GALNTL6: variants seen among roughly 807,000 people sequenced by gnomAD.
GALNTL6 encodes polypeptide N-acetylgalactosaminyltransferase like 6.
GALNTL6 carries 46 observed loss-of-function variants against 73.7 expected under a neutral mutation model. That is an observed-to-expected ratio of 0.62 (90% CI 0.49 to 0.80). GALNTL6 has a LOEUF of 0.80. Ranked by LOEUF, GALNTL6 falls within the 30% of genes least tolerant of loss-of-function variation. The pLI is 0.00. For missense variants in GALNTL6, 604 were observed against 755.0 expected (o/e 0.80, Z 2.34); for synonymous variants, 259 against 263.7 (o/e 0.98, Z 0.17).
chr4:172,906,158 G>T (rs1746880660), intron 8 of GALNTL6, among the ~76,000 whole-genome samples: 1 of 151,938 alleles, frequency 6.6e-6, no homozygotes, highest in Non-Finnish European at 1.5e-5. Flanking sequence ...AGTTTACATG[G>T]CCAAAAGGAA....
intron 2 of GALNTL6, among the ~76,000 whole-genome samples, chr4:172,123,716 G>T (rs1733216760): frequency 6.6e-6 from 1 of 151,874 alleles, no homozygotes; most frequent in East Asian, 1.9e-4. Flanking sequence ...GGCCAGGATG[G>T]TCTTGATCTC....
intron 5 of GALNTL6, among the ~76,000 whole-genome samples, chr4:172,793,295 T>C (rs150108906): frequency 6.6e-6 from 1 of 152,194 alleles, no homozygotes; most frequent in Admixed American, 6.5e-5. Context: ...AAATAGGGAT[T>C]TGATCTAGCA....
At chr4:171,947,361 G>A (rs1024049229) in intron 2 of GALNTL6, among the ~76,000 whole-genome samples, 1 of 152,096 alleles carries the variant, frequency 6.6e-6, no homozygotes, top group African/African-American at 2.4e-5. Context: ...AGGTTGTAAG[G>A]GAAGAAACAT....
At chr4:172,577,740 C>T (rs1737012462) in intron 5 of GALNTL6, among the ~76,000 whole-genome samples, 1 of 152,078 alleles carries the variant, frequency 6.6e-6, no homozygotes, top group Non-Finnish European at 1.5e-5. Context: ...TTCACAAGAC[C>T]CCATGAGAAG....
intron 2 of GALNTL6, among the ~76,000 whole-genome samples, chr4:171,951,172 A>T (rs921785463): frequency 6.6e-6 from 1 of 152,086 alleles, no homozygotes; most frequent in East Asian, 1.9e-4. Flanking sequence ...AGGTTGAAAG[A>T]AAAAGGAAGA....
chr4:172,711,764 G>A (rs1020468922), intron 5 of GALNTL6, among the ~76,000 whole-genome samples: 1 of 152,146 alleles, frequency 6.6e-6, no homozygotes, highest in African/African-American at 2.4e-5. Flanking sequence ...CGCAGTCTGA[G>A]CTAGAGACAG....
At chr4:172,278,620 C>G (rs975520005) in intron 3 of GALNTL6, among the ~76,000 whole-genome samples, 2 of 152,028 alleles carry the variant, frequency 1.3e-5, no homozygotes, top group East Asian at 3.9e-4. Flanking sequence ...AGAAATTTTC[C>G]AGTAACTTCC....
chr4:172,397,690 G>A (rs914634496), intron 5 of GALNTL6, among the ~76,000 whole-genome samples: 1 of 151,896 alleles, frequency 6.6e-6, no homozygotes, highest in African/African-American at 2.4e-5. Flanking sequence ...CAATTCTCCT[G>A]CCTCAGCCTC....
chr4:172,011,161 C>T (rs1335852823), intron 2 of GALNTL6, among the ~76,000 whole-genome samples: 1 of 151,948 alleles, frequency 6.6e-6, no homozygotes, highest in East Asian at 1.9e-4. Context: ...TGACAAATTC[C>T]GTCATAGAGG....
chr4:172,555,640 A>G (rs1409611235), intron 5 of GALNTL6, among the ~76,000 whole-genome samples: 1 of 152,068 alleles, frequency 6.6e-6, no homozygotes, highest in Non-Finnish European at 1.5e-5. Context: ...AGTAAGTTTG[A>G]AATAATATTG....
chr4:172,612,509 A>C (rs1738563066), intron 5 of GALNTL6, among the ~76,000 whole-genome samples: 1 of 151,906 alleles, frequency 6.6e-6, no homozygotes, highest in Admixed American at 6.6e-5. Flanking sequence ...TTCCTCACAA[A>C]CCTACTCTTG....
chr4:172,372,062 C>T (rs766872672), intron 5 of GALNTL6, among the ~76,000 whole-genome samples: 10 of 152,288 alleles, frequency 6.6e-5, no homozygotes, highest in East Asian at 1.9e-4. Flanking sequence ...GCTAACTGGG[C>T]GCTGGTCCCT....
chr4:172,396,399 G>T (rs1014348741), intron 5 of GALNTL6, among the ~76,000 whole-genome samples: 1 of 149,946 alleles, frequency 6.7e-6, no homozygotes, highest in Non-Finnish European at 1.5e-5. Context: ...GACATTTAAA[G>T]TGAGATCTAC....
rs776675339 is a variant in GALNTL6, at chr4:172,069,583, T to TGTTG, written c.139-160073_139-160072insGTTG. Among the ~76,000 whole-genome samples the TGTTG allele has an allele frequency of 3.8e-5, 2 of 51,996 alleles. 1 individual carries two copies. Among genetic ancestry groups the TGTTG allele is most frequent in the Non-Finnish European group, 7.9e-5 (2 of 25,278 alleles). The allele number at this position is 51,996 out of a possible 152,430, so 34.1% of individuals were successfully genotyped here. A position where few individuals can be genotyped will look rare whatever the true frequency, so the allele number is the denominator to read the frequency against. ...ATATATAACACATATATGTTATATA[T>TGTTG]TATATATATAACACATATATGTTAT... On this transcript the variant is annotated intron_variant, in intron 2 of 12. Coordinates refer to ENST00000506823, the MANE Select transcript of GALNTL6 (RefSeq NM_001034845.3).
At chr4:172,063,305 T>A (rs1287121541) in intron 2 of GALNTL6, among the ~76,000 whole-genome samples, 2 of 152,144 alleles carry the variant, frequency 1.3e-5, no homozygotes, top group East Asian at 1.9e-4. Context: ...ATATAGTAAG[T>A]CTCATCAGCC....
At chr4:172,467,425 G>A (rs1277815239) in intron 5 of GALNTL6, among the ~76,000 whole-genome samples, 2 of 152,218 alleles carry the variant, frequency 1.3e-5, no homozygotes, top group Admixed American at 1.3e-4. Flanking sequence ...AGTCTCCTGA[G>A]AGATTATTTC....
intron 2 of GALNTL6, among the ~76,000 whole-genome samples, chr4:171,900,115 C>G (rs965175388): frequency 6.6e-6 from 1 of 151,950 alleles, no homozygotes; most frequent in African/African-American, 2.4e-5. Flanking sequence ...TATTTTCTTC[C>G]TCTAAACAGA....
intron 5 of GALNTL6, among the ~76,000 whole-genome samples, chr4:172,590,911 T>G (rs1466487052): frequency 6.6e-6 from 1 of 152,158 alleles, no homozygotes; most frequent in African/African-American, 2.4e-5. Flanking sequence ...GTCTCTTGTT[T>G]GTTATTACTG....
intron 2 of GALNTL6, among the ~76,000 whole-genome samples, chr4:172,127,121 C>T (rs893558775): frequency 5.9e-5 from 9 of 152,234 alleles, no homozygotes; most frequent in African/African-American, 2.2e-4. Flanking sequence ...ATAGCAGGGC[C>T]GCAGTGCAGC....
Sources: gnomAD v4.1 joint callset for allele counts (sites outside exome capture counted in the v4.1 genomes callset) on GRCh38, gnomAD v4.1.1 for gene constraint, MANE v1.5 for transcripts, NCBI Gene and HGNC (gene_info 2026-07-23, HGNC 2026-07-21) for gene names.